LARP1: variants seen among roughly 807,000 people sequenced by gnomAD.
LARP1 encodes La ribonucleoprotein 1, translational regulator, also known as la-related protein 1.
A neutral mutation model predicts 122.7 loss-of-function variants in LARP1; 36 were observed. That is an observed-to-expected ratio of 0.29 (90% CI 0.22 to 0.39). The LOEUF (loss-of-function observed/expected upper bound fraction) is 0.39. LARP1 is among the 10% of genes least tolerant of loss of function. LARP1 has a pLI of 1.00. For missense variants in LARP1, 1,040 were observed against 1,403.6 expected, an observed-to-expected ratio of 0.74 and a Z score of 4.14; for synonymous variants, 539 against 528.7, an observed-to-expected ratio of 1.02 and a Z score of -0.27.
chr5:154,755,431 GGGGA>G lies in LARP1; in HGVS notation c.-318_-315del. ...AAGCCCGGGCCGCCCCGGGGGCGGG[GGGGA>G]GGGAGGGACGGGACTAGAAGCCTGC... On this transcript the variant is annotated 5_prime_UTR_variant, in exon 1 of 19. Coordinates refer to ENST00000518297, the MANE Select transcript of LARP1 (RefSeq NM_033551.3). 2.0e-6 allele frequency: 1 copy of G among 489,582 alleles called. No homozygotes were observed. Among genetic ancestry groups the G allele is most frequent in the Non-Finnish European group, 2.7e-6 (1 of 376,822 alleles). The allele number at this position is 489,582 out of a possible 1,614,324, so 30.3% of individuals were successfully genotyped here. A position where few individuals can be genotyped will look rare whatever the true frequency, so the allele number is the denominator to read the frequency against.
At chr5:154,688,765 G>A (rs1473322956) in intron 1 of LARP1, among the ~76,000 whole-genome samples, 1 of 151,904 alleles carries the variant, frequency 6.6e-6, no homozygotes, top group African/African-American at 2.4e-5. Flanking sequence ...GGTTGAGGCT[G>A]CAGTGAGCCA....
intron 1 of LARP1, among the ~76,000 whole-genome samples, chr5:154,762,477 G>GT (rs1754539037): frequency 6.6e-6 from 1 of 152,182 alleles, no homozygotes; most frequent in Non-Finnish European, 1.5e-5. Flanking sequence ...CTAATAGCCT[G>GT]GGATGTCTTC....
intron 15 of LARP1, 26 bp downstream of exon 15, chr5:154,806,058 G>A: frequency 6.2e-7 from 1 of 1,611,162 alleles, no homozygotes; most frequent in Non-Finnish European, 8.5e-7. Context: ...GGCAGGAGAT[G>A]AGCCTCTGGG....
chr5:154,810,851 T>A (rs984494962), intron 16 of LARP1, among the ~76,000 whole-genome samples: 4 of 152,226 alleles, frequency 2.6e-5, no homozygotes, highest in Non-Finnish European at 5.9e-5. Flanking sequence ...ATTGGCATGG[T>A]CAAATGGCTT....
chr5:154,702,369 A>G (rs1417890413), intron 1 of LARP1, among the ~76,000 whole-genome samples: 1 of 152,088 alleles, frequency 6.6e-6, no homozygotes, highest in Admixed American at 6.6e-5. Context: ...CAGCCTGGCC[A>G]ACATGGTGAA....
intron 1 of LARP1, among the ~76,000 whole-genome samples, chr5:154,714,942 G>C (rs1369423317): frequency 1.3e-5 from 2 of 152,150 alleles, no homozygotes; most frequent in African/African-American, 4.8e-5. Flanking sequence ...CACTTTGGGA[G>C]GCTGAGGCAG....
chr5:154,755,348 G>T (rs988028204), upstream of LARP1, among the ~76,000 whole-genome samples: 1 of 150,274 alleles, frequency 6.7e-6, no homozygotes, highest in African/African-American at 2.4e-5. Context: ...CGCGTGGTCT[G>T]CTTGGCTCGC....
intron 1 of LARP1, chr5:154,729,457 CAA>C (rs1582223160): frequency 5.2e-6 from 2 of 384,790 alleles, no homozygotes; most frequent in South Asian, 4.5e-5. Flanking sequence ...TGTAAACAAA[CAA>C]GAGCAAGATT....
At chr5:154,730,497 T>C (rs1441639658) in intron 1 of LARP1, among the ~76,000 whole-genome samples, 2 of 147,476 alleles carry the variant, frequency 1.4e-5, no homozygotes, top group African/African-American at 5.0e-5. Context: ...TTCGAGACGT[T>C]GTCTTGCCGT....
chr5:154,816,195 G>A lies in LARP1; in HGVS notation c.*2099G>A, dbSNP rs1759655488. Reference sequence around the variant, plus strand: ...TCTCTGCTATGATGGTGGTATCCGAGGCCTTTCCCTGCCCAGTCTGGTGCC... The same window carrying A: ...TCTCTGCTATGATGGTGGTATCCGAAGCCTTTCCCTGCCCAGTCTGGTGCC... On this transcript the variant is annotated 3_prime_UTR_variant, in exon 19 of 19. Transcript: ENST00000518297. 1 of 152,834 alleles carries A rather than the reference G, an allele frequency of 6.5e-6. No homozygotes were observed. Among genetic ancestry groups the A allele is most frequent in the Admixed American group, 6.5e-5 (1 of 15,284 alleles). 9.5% of individuals were successfully genotyped at this position (152,834 alleles called of 1,614,324 possible).
intron 1 of LARP1, among the ~76,000 whole-genome samples, chr5:154,784,310 C>T (rs185914423): frequency 2.6e-5 from 4 of 152,280 alleles, no homozygotes; most frequent in Middle Eastern, 3.4e-3. Context: ...TTTACAATAC[C>T]GTGGGAGCAC....
chr5:154,740,153 A>T (rs1356944190), intron 1 of LARP1, among the ~76,000 whole-genome samples: 1 of 151,556 alleles, frequency 6.6e-6, no homozygotes, highest in East Asian at 1.9e-4. Context: ...GCACCTTGGG[A>T]GGCCGAGGCG....
At position 154,814,125 on chromosome 5, in the gene LARP1, G is replaced by T. The variant is rs1451632010; in HGVS notation, c.*29G>T. 7 of 1,610,466 alleles carry T rather than the reference G, an allele frequency of 4.3e-6. No individual in the cohort carries two copies. The South Asian group carries it at 5.5e-5, about 13-fold the overall frequency. ...GCTCCTTAGCCCTGGGGCTTGAGGG[G>T]GGAAAGGGGTAGGGTGGGTAAGAGT... is the stretch of plus-strand genomic sequence containing the variant. On this transcript the variant is annotated 3_prime_UTR_variant, in exon 19 of 19. Transcript: ENST00000518297.
chr5:154,709,570 C>T (rs1360297787), upstream of LARP1, among the ~76,000 whole-genome samples: 15 of 146,264 alleles, frequency 1.0e-4, no homozygotes, highest in Admixed American at 4.1e-4. Flanking sequence ...TGGTTCTTTC[C>T]GGCTTTTCAA....
chr5:154,688,162 A>G lies in LARP1; in HGVS notation c.-180+5125A>G, dbSNP rs1214277966. On this transcript the variant is annotated intron_variant, in intron 1 of 18. Coordinates refer to the LARP1 transcript ENST00000687700. Reference sequence around the variant, plus strand: ...TGTTGTGACAGACACAGGGAGCTCTATGTGCCAGCCTGTGGCTGCCCTGAT... The same window carrying G: ...TGTTGTGACAGACACAGGGAGCTCTGTGTGCCAGCCTGTGGCTGCCCTGAT... Among the ~76,000 whole-genome samples the G allele has an allele frequency of 3.3e-5, 5 of 152,050 alleles. No individual in the cohort carries two copies. In the East Asian group the frequency reaches 5.8e-4, roughly 18 times the overall value.
At chr5:154,758,354 T>C (rs966352740) in intron 1 of LARP1, among the ~76,000 whole-genome samples, 5 of 152,214 alleles carry the variant, frequency 3.3e-5, no homozygotes, top group Non-Finnish European at 5.9e-5. Context: ...TGCTCTGTTA[T>C]TGTTTTTTGG....
intron 1 of LARP1, among the ~76,000 whole-genome samples, chr5:154,746,816 TAG>T (rs562173216): frequency 2.0e-5 from 3 of 152,012 alleles, no homozygotes; most frequent in Non-Finnish European, 4.4e-5. Flanking sequence ...CTGGACAAAA[TAG>T]AGTGTCTCTA....
At chr5:154,764,618 A>AC (rs1754767058) in intron 1 of LARP1, among the ~76,000 whole-genome samples, 1 of 150,192 alleles carries the variant, frequency 6.7e-6, no homozygotes, top group Admixed American at 6.6e-5. Context: ...AAAAAAAAAA[A>AC]AACTGGCTGG....
intron 1 of LARP1, among the ~76,000 whole-genome samples, chr5:154,723,014 A>C (rs887116355): frequency 6.6e-6 from 1 of 152,158 alleles, no homozygotes; most frequent in Non-Finnish European, 1.5e-5. Flanking sequence ...TCTGCTTCAG[A>C]CAAAAAAGTA....
Sources: allele counts gnomAD v4.1 joint callset (sites outside exome capture counted in the v4.1 genomes callset), GRCh38; gene constraint gnomAD v4.1.1; transcripts MANE v1.5; gene names NCBI Gene and HGNC (gene_info 2026-07-23, HGNC 2026-07-21).